COL11A2: variants seen among roughly 807,000 people sequenced by gnomAD.
COL11A2 encodes the protein collagen alpha-2(XI) chain.
A neutral mutation model predicts 273.4 loss-of-function variants in COL11A2; 116 were observed. The observed-to-expected ratio is 0.42, with a 90% CI of 0.36 to 0.49. The LOEUF (loss-of-function observed/expected upper bound fraction) is 0.49. Among genes scored for constraint, COL11A2 ranks in the 20% least tolerant of loss-of-function variants. The probability of loss-of-function intolerance (pLI) is 0.00; values close to 1 mark genes in which losing one functional copy is unlikely to be tolerated. For synonymous variants in COL11A2, 782 were observed against 864.2 expected, an observed-to-expected ratio of 0.90 and a Z score of 1.67; for missense variants, 1,866 against 2,309.0, an observed-to-expected ratio of 0.81 and a Z score of 3.93.
intron 5 of COL11A2, among the ~76,000 whole-genome samples, chr6:33,186,033 T>TAA: frequency 6.6e-6 from 1 of 151,886 alleles, no homozygotes; most frequent in Admixed American, 6.5e-5. Context: ...CCTCTGATCT[T>TAA]TAGACCACTG....
chr6:33,186,064 TC>T (rs1288619238), intron 5 of COL11A2, among the ~76,000 whole-genome samples: 1 of 151,830 alleles, frequency 6.6e-6, no homozygotes, highest in East Asian at 1.9e-4. Flanking sequence ...CTATCTGTAT[TC>T]TAACTCTCCA....
intron 8 of COL11A2, among the ~76,000 whole-genome samples, chr6:33,183,705 G>C (rs1374348771): frequency 6.6e-6 from 1 of 152,080 alleles, no homozygotes; most frequent in East Asian, 1.9e-4. Context: ...TGGCCTGTAG[G>C]TTAAAAAAAG....
In COL11A2 at chr6:33,188,349, T is replaced by C. The variant is rs1306180050; in HGVS notation, c.606+13A>G. On this transcript the variant is annotated intron_variant, in intron 4 of 65. Coordinates refer to ENST00000341947, the MANE Select transcript of COL11A2 (RefSeq NM_080680.3). ...GACCAGAAGTCAATCCTGCCTCTGA[T>C]TGCTCTGGTTACCTCAAAGACTTCT... 1.9e-6 allele frequency: 3 copies of C among 1,613,014 alleles called. No individual in the cohort carries two copies. The highest frequency in any genetic ancestry group is 1.1e-5 in the South Asian group (1 of 91,084).
chr6:33,179,293 G>A lies in COL11A2; in HGVS notation c.1504-9C>T, dbSNP rs367757994. On this transcript the variant is annotated splice_polypyrimidine_tract_variant and intron_variant, in intron 14 of 65. Transcript: ENST00000341947. This position sits in a 1 kb window ranked among gnomAD's most constrained non-coding sequence, Gnocchi z 6.4. ...GGGCTCCCAGGTTGGCCCTGGGAGA[G>A]AGAAGAGAGGATGGCCGTAAGGAAG... 1.9e-4 allele frequency: 307 copies of A among 1,609,084 alleles called. No individual in the cohort carries two copies. Among genetic ancestry groups the A allele is most frequent in the African/African-American group, 1.7e-3 (131 of 74,982 alleles).
chr6:33,172,269 G>A lies in COL11A2; in HGVS notation c.2988+20C>T. 1 of 1,582,670 alleles carries A rather than the reference G, an allele frequency of 6.3e-7. No individual in the cohort carries two copies. The highest frequency in any genetic ancestry group is 8.6e-7 in the Non-Finnish European group (1 of 1,163,418). ...ATGCTTGGTGCTTGTGACAGGCAGGGGTCTGGGAGTCACACTCACAGCAGT... is the reference window on the plus strand; with the variant it reads ...ATGCTTGGTGCTTGTGACAGGCAGGAGTCTGGGAGTCACACTCACAGCAGT... On this transcript the variant is annotated intron_variant, in intron 40 of 65. Transcript: ENST00000341947.
chr6:33,167,484 G>A lies in COL11A2; in HGVS notation c.4064C>T (p.Pro1355Leu), dbSNP rs1182240980. The change falls in exon 56 of 66, where the codon CCT becomes CTT. Residue 1355 changes from proline to leucine, a missense_variant. Transcript: ENST00000341947. The surrounding 1 kb of genome is among the most constrained non-coding windows in gnomAD (Gnocchi z 6.1). ...GAPGKTGPVG[P>L]AGPAGKPGPD... ...GCCAGGTTTCCCTGCTGGGCCTGCA[G>A]GACCCACCGGGCCTGTCTTCCCCGG... The A allele has an allele frequency of 6.2e-7, 1 of 1,612,862 alleles. No individual in the cohort carries two copies. The highest frequency in any genetic ancestry group is 8.5e-7 in the Non-Finnish European group (1 of 1,180,000).
chr6:33,164,541 C>T lies in COL11A2; in HGVS notation c.4864-68G>A, dbSNP rs1460932393. On this transcript the variant is annotated intron_variant, in intron 64 of 65. Transcript: ENST00000341947. The surrounding 1 kb of genome is among the most constrained non-coding windows in gnomAD (Gnocchi z 4.7). ...GGCTGGCCTCAGAGGGAGACAGAGACGGGCCTCAGGAGCATCTACGGCACC... is the reference window on the plus strand; with the variant it reads ...GGCTGGCCTCAGAGGGAGACAGAGATGGGCCTCAGGAGCATCTACGGCACC... 32 of 1,336,700 alleles carry T rather than the reference C, an allele frequency of 2.4e-5. No individual in the cohort carries two copies. Among genetic ancestry groups the T allele is most frequent in the East Asian group, 7.6e-5 (3 of 39,538 alleles). 82.8% of individuals were successfully genotyped at this position (1,336,700 alleles called of 1,614,324 possible).
chr6:33,165,584 TG>T lies in COL11A2; in HGVS notation c.4714del (p.Gln1572ArgfsTer3). ...GTQDSPARTC[Q>X]DLKLCHPELP... ...CTCTGGGTGGCACAGCTTCAGGTCC[TG>T]GCAGGTGCGAGCAGGGCTGTCCTGG... On this transcript the variant is annotated frameshift_variant, in exon 63 of 66. Transcript: ENST00000341947. LOFTEE classifies it high-confidence loss of function. The surrounding 1 kb of genome is among the most constrained non-coding windows in gnomAD (Gnocchi z 7.7). 6.2e-7 allele frequency: 1 copy of T among 1,613,542 alleles called. No individual in the cohort carries two copies.
Position 33,178,598 on chromosome 6 carries a change from T to C in COL11A2, c.1719+81A>G. 1 of 1,606,732 alleles carries C rather than the reference T, an allele frequency of 6.2e-7. No homozygotes were observed. Among genetic ancestry groups the C allele is most frequent in the Non-Finnish European group, 8.5e-7 (1 of 1,174,796 alleles). On this transcript the variant is annotated intron_variant, in intron 18 of 65. Transcript: ENST00000341947. The surrounding 1 kb of genome is among the most constrained non-coding windows in gnomAD (Gnocchi z 4.6). ...ACTTTCACTGAGCTCCTGCCAAGCC[T>C]CCAGCCTCCCTTCCCTACCTATCCT...
In COL11A2 at chr6:33,173,645, G is replaced by T; in HGVS notation, c.2628+56C>A. 6.6e-7 allele frequency: 1 copy of T among 1,513,532 alleles called. No homozygotes were observed. The highest frequency in any genetic ancestry group is 9.1e-7 in the Non-Finnish European group (1 of 1,101,904). 93.8% of individuals were successfully genotyped at this position (1,513,532 alleles called of 1,614,324 possible). The stretch of plus-strand genomic sequence containing the variant: ...CCTTCCTGGGGTGAGGAGGGAGCTG[G>T]CTCACCCAGGCTCCCTGGGGACCTC... On this transcript the variant is annotated intron_variant, in intron 35 of 65. Transcript: ENST00000341947. This position sits in a 1 kb window ranked among gnomAD's most constrained non-coding sequence, Gnocchi z 6.3.
Position 33,163,953 on chromosome 6 carries a change from G to T in COL11A2, c.5071-135C>A. 1 of 1,342,004 alleles carries T rather than the reference G, an allele frequency of 7.5e-7. No homozygotes were observed. Among genetic ancestry groups the T allele is most frequent in the Non-Finnish European group, 1.1e-6 (1 of 947,932 alleles). 83.1% of individuals were successfully genotyped at this position (1,342,004 alleles called of 1,614,324 possible). ...GACTCAGGATGTACAGACTGGCAGT[G>T]TCTATGTGCCCATGCGTGTGTGTTT... On this transcript the variant is annotated intron_variant, in intron 65 of 65. Transcript: ENST00000341947. The surrounding 1 kb of genome is among the most constrained non-coding windows in gnomAD (Gnocchi z 4.1).
Position 33,176,820 on chromosome 6 carries a change from C to T in COL11A2, c.2071-55G>A. 6.3e-7 allele frequency: 1 copy of T among 1,587,338 alleles called. No homozygotes were observed. ...GTGGCCCCTGTCACCCTCTCTGCAC[C>T]CCTCCCTACACTTCTTCCAACCCAA... On this transcript the variant is annotated intron_variant, in intron 25 of 65. Transcript: ENST00000341947. The surrounding 1 kb of genome is among the most constrained non-coding windows in gnomAD (Gnocchi z 4.9).
rs1240969348 is a variant in COL11A2 at position 33,189,376 on chromosome 6, G to T, written c.176C>A (p.Ala59Asp). The part of the protein sequence containing the change: ...RAKGICPADV[A>D]YRVARPAQLS... The stretch of plus-strand genomic sequence containing the variant: ...CTGGGCAGGTCGTGCCACTCGGTAG[G>T]CCACATCAGCTGGACAGATGCCTTT... The change falls in exon 2 of 66, where the codon GCC (alanine) becomes GAC (aspartate). Residue 59 changes from alanine (A) to aspartate (D), a missense_variant. By Grantham distance (126) the Ala-to-Asp change is moderately radical. Transcript: ENST00000341947. This position sits in a 1 kb window ranked among gnomAD's most constrained non-coding sequence, Gnocchi z 5.6. The T allele has an allele frequency of 1.2e-6, 2 of 1,613,144 alleles. No homozygotes were observed. The highest frequency in any genetic ancestry group is 8.5e-7 in the Non-Finnish European group (1 of 1,180,022).
Position 33,176,169 on chromosome 6 carries a change from G to A in COL11A2, c.2214+90C>T, listed in dbSNP as rs939764837. ...GGTGGAAGCAGGGGCTCGGGAGCTG[G>A]ACGGCAGTGCGGGGCAGGCTGGAGG... On this transcript the variant is annotated intron_variant, in intron 28 of 65. Transcript: ENST00000341947. This position sits in a 1 kb window ranked among gnomAD's most constrained non-coding sequence, Gnocchi z 4.9. 17 of 1,605,374 alleles carry A rather than the reference G, an allele frequency of 1.1e-5. No individual in the cohort carries two copies. In the African/African-American group the frequency reaches 2.3e-4, roughly 21 times the overall value.
chr6:33,179,777 T>C lies in COL11A2; in HGVS notation c.1388A>G (p.Lys463Arg). The C allele has an allele frequency of 6.2e-7, 1 of 1,611,830 alleles. No individual in the cohort carries two copies. The part of the protein sequence containing the change: ...PFRFGSGGGD[K>R]GPVVAAQEAQ... ...CTCCTGGGCCGCCACCACAGGGCCCTTGTCACCCCCACCACTGCCAAACCG... is the reference window on the plus strand; with the variant it reads ...CTCCTGGGCCGCCACCACAGGGCCCCTGTCACCCCCACCACTGCCAAACCG... The change falls in exon 13 of 66, where the codon AAG becomes AGG. Residue 463 changes from lysine to arginine, a missense_variant. Physicochemically the swap from Lys to Arg is conservative, Grantham distance 26 (BLOSUM62 2). Coordinates refer to ENST00000341947, the MANE Select transcript of COL11A2 (RefSeq NM_080680.3). The surrounding 1 kb of genome is among the most constrained non-coding windows in gnomAD (Gnocchi z 6.4).
chr6:33,173,141 T>C lies in COL11A2; in HGVS notation c.2737-28A>G. 6.2e-7 allele frequency: 1 copy of C among 1,603,900 alleles called. No individual in the cohort carries two copies. The highest frequency in any genetic ancestry group is 8.5e-7 in the Non-Finnish European group (1 of 1,175,652). Reference sequence around the variant, plus strand: ...AGGCGAGGAAGAGAGGAGAATGCAGTGAAAGCAGGTGTGGGCGCTGTGGGG... The same window carrying C: ...AGGCGAGGAAGAGAGGAGAATGCAGCGAAAGCAGGTGTGGGCGCTGTGGGG... On this transcript the variant is annotated intron_variant, in intron 37 of 65. Coordinates refer to ENST00000341947, the MANE Select transcript of COL11A2 (RefSeq NM_080680.3). The surrounding 1 kb of genome is among the most constrained non-coding windows in gnomAD (Gnocchi z 6.3).
rs1769955357 is a variant in COL11A2, at chr6:33,170,944, A to G, written c.3367-27T>C. 3 of 1,592,534 alleles carry G rather than the reference A, an allele frequency of 1.9e-6. No individual in the cohort carries two copies. The highest frequency in any genetic ancestry group is 8.5e-7 in the Non-Finnish European group (1 of 1,172,186). On this transcript the variant is annotated intron_variant, in intron 45 of 65. Transcript: ENST00000341947. The surrounding 1 kb of genome is among the most constrained non-coding windows in gnomAD (Gnocchi z 4.3). ...TGCAGGGTTGAGGGAAAGCAGAGAC[A>G]AGGACACAGGGATGGGTCATGGGTC...
chr6:33,189,346 C>A lies in COL11A2; in HGVS notation c.206G>T (p.Ser69Ile). The A allele has an allele frequency of 1.2e-6, 2 of 1,613,598 alleles. No homozygotes were observed. Among genetic ancestry groups the A allele is most frequent in the Non-Finnish European group, 1.7e-6 (2 of 1,180,032 alleles). Residue 69 changes from serine (S) to isoleucine (I), a missense_variant, in exon 2 of 66, where the codon AGT becomes ATT. Physicochemically the swap from Ser to Ile is moderately radical, Grantham distance 142. Coordinates refer to ENST00000341947, the MANE Select transcript of COL11A2 (RefSeq NM_080680.3). This position sits in a 1 kb window ranked among gnomAD's most constrained non-coding sequence, Gnocchi z 5.6. ...TGGGAAAAGCTGGCGAGTGGGTGCA[C>A]TGAGCTGGGCAGGTCGTGCCACTCG... ...AYRVARPAQL[S>I]APTRQLFPGG...
At chr6:33,172,234 G>T (rs1415296886) in intron 40 of COL11A2, 55 bp downstream of exon 40, 2 of 1,563,480 alleles carry the variant, frequency 1.3e-6, no homozygotes, top group Non-Finnish European at 1.8e-6. Context: ...GGTCGGGGTG[G>T]GGACTCAGGA....
Sources: gnomAD v4.1 joint callset for allele counts (sites outside exome capture counted in the v4.1 genomes callset) on GRCh38, gnomAD v4.1.1 for gene constraint, Gnocchi (gnomAD v3.1) non-coding constraint, MANE v1.5 for transcripts, NCBI Gene and HGNC (gene_info 2026-07-23, HGNC 2026-07-21) for gene names.